The following ADARB2 variants were observed in gnomAD, a reference collection of about 807,000 sequenced individuals.
The protein encoded by ADARB2 is inactive double-stranded RNA-specific editase B2.
Under a neutral mutation model 62.2 loss-of-function variants are expected in ADARB2, and 25 were observed. The ratio of observed to expected loss-of-function variants is 0.40; its 90% CI spans 0.29 to 0.56. ADARB2 has a LOEUF of 0.56. ADARB2 is among the 20% of genes least tolerant of loss of function. The probability of loss-of-function intolerance (pLI) is 0.43; values close to 1 mark genes in which losing one functional copy is unlikely to be tolerated. For missense variants in ADARB2, 1,071 were observed against 1,077.4 expected (o/e 0.99, Z 0.08); for synonymous variants, 572 against 500.8 (o/e 1.14, Z -1.90).
At chr10:1,630,984 C>CA (rs1162362217) in intron 1 of ADARB2, among the ~76,000 whole-genome samples, 1 of 149,736 alleles carries the variant, frequency 6.7e-6, no homozygotes, top group Non-Finnish European at 1.5e-5. Flanking sequence ...AACAAACAAA[C>CA]AAACAAACAA....
chr10:1,482,898 A>G (rs1442077277), intron 1 of ADARB2, among the ~76,000 whole-genome samples: 1 of 152,176 alleles, frequency 6.6e-6, no homozygotes, highest in African/African-American at 2.4e-5. Flanking sequence ...GAAGCTGTCA[A>G]AATTTTCTTT....
intron 1 of ADARB2, among the ~76,000 whole-genome samples, chr10:1,543,027 C>A (rs1832459937): frequency 6.6e-6 from 1 of 152,266 alleles, no homozygotes; most frequent in African/African-American, 2.4e-5. Context: ...ACTTGCAGCT[C>A]CGCGCTGGGC....
chr10:1,414,991 G>GTGGA (rs898684431), intron 1 of ADARB2, among the ~76,000 whole-genome samples: 4 of 151,654 alleles, frequency 2.6e-5, no homozygotes, highest in South Asian at 2.1e-4. Flanking sequence ...ATGATAGAAG[G>GTGGA]TGGATGGATG....
intron 1 of ADARB2, among the ~76,000 whole-genome samples, chr10:1,514,474 G>A (rs745547258): frequency 4.6e-5 from 7 of 151,860 alleles, no homozygotes; most frequent in Non-Finnish European, 1.0e-4. Context: ...CCCATTATCT[G>A]GGATGTATTT....
At chr10:1,424,564 T>C (rs1832879564) in intron 1 of ADARB2, among the ~76,000 whole-genome samples, 1 of 152,096 alleles carries the variant, frequency 6.6e-6, no homozygotes, top group Non-Finnish European at 1.5e-5. Context: ...TAAGAAAGTT[T>C]AGGACAATGC....
chr10:1,425,230 T>C (rs1832884627), intron 1 of ADARB2, among the ~76,000 whole-genome samples: 1 of 152,218 alleles, frequency 6.6e-6, no homozygotes, highest in Non-Finnish European at 1.5e-5. Flanking sequence ...ATTGTGCTAC[T>C]GCATTTGATT....
At chr10:1,397,556 T>C (rs1250646538) in intron 1 of ADARB2, among the ~76,000 whole-genome samples, 4 of 18,862 alleles carry the variant, frequency 2.1e-4, no homozygotes, top group African/African-American at 3.1e-4. Context: ...TCACCGTCCG[T>C]CTCTCCCCTC....
In ADARB2 at chr10:1,199,930, A is replaced by T. The variant is rs371388764; in HGVS notation, c.1864+36T>A. On this transcript the variant is annotated intron_variant, in intron 8 of 9. Coordinates refer to ENST00000381312, the MANE Select transcript of ADARB2 (RefSeq NM_018702.4). ...CACCTGTGTCTGGCCTGGTGGTGGG[A>T]AGGAGGTGGAGGGCCCCCGGGAAGG... 3.7e-4 allele frequency: 541 copies of T among 1,474,396 alleles called. 1 individual carries two copies. Among genetic ancestry groups the T allele is most frequent in the Middle Eastern group, 1.0e-3 (4 of 4,020 alleles). The allele number at this position is 1,474,396 out of a possible 1,614,324, so 91.3% of individuals were successfully genotyped here. A position where few individuals can be genotyped will look rare whatever the true frequency, so the allele number is the denominator to read the frequency against.
At chr10:1,609,050 C>T (rs935651099) in intron 1 of ADARB2, among the ~76,000 whole-genome samples, 2 of 152,152 alleles carry the variant, frequency 1.3e-5, no homozygotes, top group Non-Finnish European at 2.9e-5. Flanking sequence ...AAACGCCCAC[C>T]AAACTATAAA....
chr10:1,300,410 C>T (rs924039750), intron 3 of ADARB2, among the ~76,000 whole-genome samples: 12 of 152,190 alleles, frequency 7.9e-5, no homozygotes, highest in Non-Finnish European at 1.3e-4. Context: ...GCCCCCCACA[C>T]CACCTCTCCT....
intron 4 of ADARB2, among the ~76,000 whole-genome samples, chr10:1,247,596 G>A (rs1014758629): frequency 2.7e-4 from 41 of 152,342 alleles, no homozygotes; most frequent in African/African-American, 8.9e-4. Context: ...GGTGCCATGA[G>A]GGTGATGAGG....
intron 2 of ADARB2, among the ~76,000 whole-genome samples, chr10:1,367,480 C>G (rs1832323527): frequency 6.6e-6 from 1 of 152,166 alleles, no homozygotes; most frequent in Admixed American, 6.5e-5. Context: ...GCGGCAGAAA[C>G]CGTTACCTTC....
intron 4 of ADARB2, among the ~76,000 whole-genome samples, chr10:1,270,355 CGAG>C (rs1044361404): frequency 2.4e-4 from 36 of 152,096 alleles, no homozygotes; most frequent in Middle Eastern, 3.4e-3. Flanking sequence ...GTGAGTGTGA[CGAG>C]GAGGTCATTA....
chr10:1,246,887 G>C (rs1443311270), intron 4 of ADARB2, among the ~76,000 whole-genome samples: 1 of 152,110 alleles, frequency 6.6e-6, no homozygotes, highest in South Asian at 2.1e-4. Context: ...TTGGTAGCTT[G>C]ATGGGGATGG....
At chr10:1,632,581 T>C (rs760781035) in intron 1 of ADARB2, among the ~76,000 whole-genome samples, 1 of 152,200 alleles carries the variant, frequency 6.6e-6, no homozygotes, top group Non-Finnish European at 1.5e-5. Context: ...CCAGAGACAG[T>C]GTCCATGACG....
intron 1 of ADARB2, among the ~76,000 whole-genome samples, chr10:1,655,219 T>C (rs952521099): frequency 5.3e-5 from 8 of 152,218 alleles, no homozygotes; most frequent in Non-Finnish European, 1.0e-4. Flanking sequence ...TGACAGTTCA[T>C]TGTCCTGGAC....
chr10:1,504,649 A>G, intron 1 of ADARB2, among the ~76,000 whole-genome samples: 1 of 152,244 alleles, frequency 6.6e-6, no homozygotes. Flanking sequence ...GCAAAAAGCC[A>G]GTCTGCAGGT....
chr10:1,509,997 TTTCTTTCTTTTCTTTC>T (rs1831901256), intron 1 of ADARB2, among the ~76,000 whole-genome samples: 1 of 151,730 alleles, frequency 6.6e-6, no homozygotes, highest in South Asian at 2.1e-4. Context: ...TCTTTTTCTC[TTTCTTTCTTTTCTTTC>T]TTCTTTCTTT....
intron 3 of ADARB2, among the ~76,000 whole-genome samples, chr10:1,316,857 C>T (rs1472768649): frequency 2.0e-5 from 3 of 152,134 alleles, no homozygotes; most frequent in Non-Finnish European, 2.9e-5. Context: ...ATTGTTTTTC[C>T]GCGAATGAGT....
Sources: allele counts gnomAD v4.1 joint callset (sites outside exome capture counted in the v4.1 genomes callset), GRCh38; gene constraint gnomAD v4.1.1; transcripts MANE v1.5; gene names NCBI Gene and HGNC (gene_info 2026-07-23, HGNC 2026-07-21).